Variants in CCBE1 observed in about 807,000 individuals in gnomAD.
CCBE1 encodes the protein collagen and calcium-binding EGF domain-containing protein 1.
Under a neutral mutation model 50.0 loss-of-function variants are expected in CCBE1, and 37 were observed. The observed-to-expected ratio is 0.74, with a 90% CI of 0.57 to 0.97. The LOEUF is 0.97. Among genes scored for constraint, CCBE1 ranks in the 50% least tolerant of loss-of-function variants. CCBE1 has a pLI of 0.00. For missense variants in CCBE1, 538 were observed against 523.8 expected (o/e 1.03, Z -0.26); for synonymous variants, 234 against 203.7 (o/e 1.15, Z -1.27).
At chr18:59,597,320 T>C (rs1179153331) in intron 2 of CCBE1, among the ~76,000 whole-genome samples, 1 of 152,188 alleles carries the variant, frequency 6.6e-6, no homozygotes, top group Non-Finnish European at 1.5e-5. Flanking sequence ...TCCACTGATA[T>C]TAGGTATTAG....
chr18:59,469,651 CG>C, intron 3 of CCBE1, 44 bp from the exon 4 acceptor site: 1 of 1,612,684 alleles, frequency 6.2e-7, no homozygotes, highest in Admixed American at 1.7e-5. Flanking sequence ...CAGGAGGAGG[CG>C]GAGTAACCTG....
intron 2 of CCBE1, among the ~76,000 whole-genome samples, chr18:59,513,651 G>T (rs1370258675): frequency 6.6e-6 from 1 of 152,198 alleles, no homozygotes; most frequent in African/African-American, 2.4e-5. Context: ...TGAATCTCGA[G>T]GTGACAGAGA....
intron 5 of CCBE1, among the ~76,000 whole-genome samples, chr18:59,463,057 T>G (rs1357105790): frequency 6.6e-6 from 1 of 152,292 alleles, no homozygotes; most frequent in African/African-American, 2.4e-5. Context: ...TCTGAAACTT[T>G]ACTTGAAAAA....
chr18:59,597,144 C>G (rs1343622166), intron 2 of CCBE1, among the ~76,000 whole-genome samples: 1 of 152,230 alleles, frequency 6.6e-6, no homozygotes, highest in Non-Finnish European at 1.5e-5. Context: ...GGGCTTAAAT[C>G]TCAGCTCTGC....
At chr18:59,544,271 A>C (rs1184523027) in intron 2 of CCBE1, among the ~76,000 whole-genome samples, 3 of 152,208 alleles carry the variant, frequency 2.0e-5, no homozygotes, top group African/African-American at 7.2e-5. Context: ...TTGAAGCTTA[A>C]CTGATCCTTT....
intron 2 of CCBE1, among the ~76,000 whole-genome samples, chr18:59,543,440 T>G (rs1052244876): frequency 2.5e-4 from 38 of 152,242 alleles, no homozygotes; most frequent in African/African-American, 9.2e-4. Flanking sequence ...AGTCTGATTA[T>G]GTACATATGA....
At chr18:59,686,877 T>C (rs2054661332) in intron 2 of CCBE1, among the ~76,000 whole-genome samples, 2 of 152,218 alleles carry the variant, frequency 1.3e-5, no homozygotes, top group South Asian at 4.1e-4. Context: ...GATAAAAGCC[T>C]GTTGATATTA....
intron 2 of CCBE1, among the ~76,000 whole-genome samples, chr18:59,485,643 C>T (rs1226739226): frequency 6.8e-6 from 1 of 147,188 alleles, no homozygotes; most frequent in Non-Finnish European, 1.5e-5. Flanking sequence ...TGGAGCATTG[C>T]TCTGTTGCAC....
At chr18:59,694,002 G>C (rs984025491) in intron 2 of CCBE1, among the ~76,000 whole-genome samples, 1 of 147,820 alleles carries the variant, frequency 6.8e-6, no homozygotes, top group Admixed American at 7.0e-5. Context: ...CTCCCAAGTA[G>C]ATGGTACTAC....
At chr18:59,579,210 C>T (rs1178083912) in intron 2 of CCBE1, among the ~76,000 whole-genome samples, 3 of 152,068 alleles carry the variant, frequency 2.0e-5, no homozygotes, top group African/African-American at 4.8e-5. Flanking sequence ...TTGATAAATG[C>T]ACCTGTTTGC....
At chr18:59,622,402 G>T (rs762030747) in intron 2 of CCBE1, among the ~76,000 whole-genome samples, 1 of 152,036 alleles carries the variant, frequency 6.6e-6, no homozygotes, top group Non-Finnish European at 1.5e-5. Context: ...TACTCGGGAG[G>T]CTGAGGTAGG....
chr18:59,518,200 C>T (rs1220850599), intron 2 of CCBE1, among the ~76,000 whole-genome samples: 1 of 152,148 alleles, frequency 6.6e-6, no homozygotes, highest in South Asian at 2.1e-4. Flanking sequence ...ATTAAGAGAA[C>T]AAAGCTGGCT....
intron 2 of CCBE1, among the ~76,000 whole-genome samples, chr18:59,511,283 G>A (rs1018735393): frequency 4.6e-5 from 7 of 152,240 alleles, no homozygotes; most frequent in African/African-American, 1.7e-4. Context: ...GAGCAGTGGA[G>A]CACTGATGAT....
At chr18:59,564,476 T>C (rs1480596469) in intron 2 of CCBE1, among the ~76,000 whole-genome samples, 3 of 152,254 alleles carry the variant, frequency 2.0e-5, no homozygotes, top group African/African-American at 7.2e-5. Context: ...TAGATCATGG[T>C]CATTAAACCA....
intron 5 of CCBE1, among the ~76,000 whole-genome samples, chr18:59,455,922 ACTAT>A (rs546573869): frequency 2.8e-3 from 422 of 152,298 alleles, no homozygotes; most frequent in African/African-American, 9.6e-3. Context: ...AATAACCACG[ACTAT>A]CTAGAACGCA....
chr18:59,508,872 A>C (rs1325628659), intron 2 of CCBE1, among the ~76,000 whole-genome samples: 1 of 151,972 alleles, frequency 6.6e-6, no homozygotes, highest in African/African-American at 2.4e-5. Context: ...ATGTGCCACC[A>C]CATACACGGC....
At position 59,500,654 on chromosome 18, in the gene CCBE1, C is replaced by G. The variant is rs530505747; in HGVS notation, c.213-20416G>C. Reference sequence around the variant, plus strand: ...AAATCCAGCAGGGAGGGGCCTGTCCCTGGAGGGTTTGTGGTAGAAACAGCA... The same window carrying G: ...AAATCCAGCAGGGAGGGGCCTGTCCGTGGAGGGTTTGTGGTAGAAACAGCA... On this transcript the variant is annotated intron_variant, in intron 2 of 10. Coordinates refer to ENST00000439986, the MANE Select transcript of CCBE1 (RefSeq NM_133459.4). 4.3e-4 allele frequency among the ~76,000 whole-genome samples: 65 copies of G among 152,278 alleles called. No individual in the cohort carries two copies. In the Middle Eastern group the frequency reaches 0.02, roughly 48 times the overall value.
At chr18:59,543,235 A>G (rs1915538701) in intron 2 of CCBE1, among the ~76,000 whole-genome samples, 1 of 152,212 alleles carries the variant, frequency 6.6e-6, no homozygotes, top group South Asian at 2.1e-4. Flanking sequence ...GACTTAATGT[A>G]GGTGATCCCC....
chr18:59,678,850 G>A (rs963159185), intron 2 of CCBE1, among the ~76,000 whole-genome samples: 2 of 152,114 alleles, frequency 1.3e-5, no homozygotes, highest in Non-Finnish European at 2.9e-5. Context: ...TTATATTAGA[G>A]AAGCTAATGT....
Sources: gnomAD v4.1 joint callset for allele counts (sites outside exome capture counted in the v4.1 genomes callset) on GRCh38, gnomAD v4.1.1 for gene constraint, MANE v1.5 for transcripts, NCBI Gene and HGNC (gene_info 2026-07-23, HGNC 2026-07-21) for gene names.